ALG14: variants seen among roughly 807,000 people sequenced by gnomAD.
ALG14 encodes ALG14 UDP-N-acetylglucosaminyltransferase subunit, also known as UDP-N-acetylglucosamine transferase subunit ALG14.
ALG14 carries 17 observed loss-of-function variants against 22.8 expected under a neutral mutation model. That is an observed-to-expected ratio of 0.75 (90% CI 0.51 to 1.12). The LOEUF (loss-of-function observed/expected upper bound fraction) is 1.12. Ranked by LOEUF, ALG14 falls within the 50% of genes most tolerant of loss-of-function variation. ALG14 has a pLI of 0.00. For missense variants in ALG14, 288 were observed against 271.8 expected (o/e 1.06, Z -0.42); for synonymous variants, 89 against 103.7 (o/e 0.86, Z 0.86).
intron 3 of ALG14, among the ~76,000 whole-genome samples, chr1:95,008,886 A>G (rs940817621): frequency 6.6e-6 from 1 of 151,960 alleles, no homozygotes; most frequent in Non-Finnish European, 1.5e-5. Flanking sequence ...GAATTTGTCT[A>G]TTCTGGCTAC....
chr1:95,042,305 T>C (rs200999699), intron 2 of ALG14, among the ~76,000 whole-genome samples: 1 of 150,208 alleles, frequency 6.7e-6, no homozygotes, highest in Admixed American at 6.6e-5. Flanking sequence ...GATTTAAACA[T>C]ACACACACAC....
intron 2 of ALG14, among the ~76,000 whole-genome samples, chr1:95,031,937 T>C (rs552630590): frequency 1.3e-5 from 2 of 152,250 alleles, no homozygotes; most frequent in African/African-American, 4.8e-5. Context: ...GCCTCCCAAG[T>C]AGCTGGGACT....
At chr1:95,037,716 C>T (rs1674244271) in intron 2 of ALG14, among the ~76,000 whole-genome samples, 1 of 152,106 alleles carries the variant, frequency 6.6e-6, no homozygotes, top group Non-Finnish European at 1.5e-5. Context: ...GTTGAAGCAC[C>T]CTTCCTTTGT....
chr1:95,038,397 G>A (rs542529918), intron 2 of ALG14, among the ~76,000 whole-genome samples: 11 of 152,188 alleles, frequency 7.2e-5, no homozygotes, highest in Non-Finnish European at 2.9e-5. Context: ...GCTGAGGCAG[G>A]AGAATTGCTT....
At chr1:94,987,486 GA>G (rs1339797005) in intron 3 of ALG14, among the ~76,000 whole-genome samples, 2 of 152,174 alleles carry the variant, frequency 1.3e-5, no homozygotes, top group Non-Finnish European at 2.9e-5. Flanking sequence ...TATGGGTTTA[GA>G]AAACGGAAAG....
intron 3 of ALG14, among the ~76,000 whole-genome samples, chr1:95,007,111 C>A (rs1448820282): frequency 1.3e-5 from 2 of 152,174 alleles, no homozygotes; most frequent in East Asian, 3.8e-4. Context: ...TTAACAATCA[C>A]CGTACTGCCA....
At chr1:94,991,634 A>AT (rs1672776235) in intron 3 of ALG14, among the ~76,000 whole-genome samples, 1 of 152,206 alleles carries the variant, frequency 6.6e-6, no homozygotes, top group Non-Finnish European at 1.5e-5. Flanking sequence ...GGCCCAGGAC[A>AT]TTCCTGTACA....
intron 3 of ALG14, among the ~76,000 whole-genome samples, chr1:94,984,358 C>T (rs1672583078): frequency 6.6e-6 from 1 of 152,050 alleles, no homozygotes; most frequent in Non-Finnish European, 1.5e-5. Flanking sequence ...TTGTTTATAC[C>T]ACCCCAGCAT....
In ALG14 at chr1:94,981,428, CA is replaced by C. The variant is rs770433671; in HGVS notation, c.*1647del. On this transcript the variant is annotated 3_prime_UTR_variant, in exon 4 of 4. Transcript: ENST00000370205. ...TGACAGATGCGCCTGTTACATGATT[CA>C]GAGAAGACAGTTTTTTTGTTTTTTT... 2 of 145,844 alleles carry C rather than the reference CA, an allele frequency of 1.4e-5. No individual in the cohort carries two copies. The highest frequency in any genetic ancestry group is 1.5e-5 in the Non-Finnish European group (1 of 67,146). The allele number at this position is 145,844 out of a possible 1,614,324, so 9.0% of individuals were successfully genotyped here. A position where few individuals can be genotyped will look rare whatever the true frequency, so the allele number is the denominator to read the frequency against.
chr1:95,059,236 A>C lies in ALG14; in HGVS notation c.288+5630T>G, dbSNP rs2100829685. Among the ~76,000 whole-genome samples, 2 of 151,838 alleles carry C rather than the reference A, an allele frequency of 1.3e-5. 1 individual carries two copies. Among genetic ancestry groups the C allele is most frequent in the African/African-American group, 4.8e-5 (2 of 41,480 alleles). ...ACATGGGGAAACCCCGTCTCTACTA[A>C]AAATACAAAAATTAGTTGGGCGTGG... On this transcript the variant is annotated intron_variant, in intron 2 of 3. Transcript: ENST00000370205.
rs1317914343 is a variant in ALG14, at chr1:95,056,706, T to TACA, written c.288+8159_288+8160insTGT. Among the ~76,000 whole-genome samples, 518 of 152,176 alleles carry TACA rather than the reference T, an allele frequency of 3.4e-3. 23 individuals are homozygous for TACA. In the East Asian group the frequency reaches 0.095, roughly 28 times the overall value. On this transcript the variant is annotated intron_variant, in intron 2 of 3. Coordinates refer to ENST00000370205, the MANE Select transcript of ALG14 (RefSeq NM_144988.4). ...AACACTTGAGTATAACTCTATGACC[T>TACA]TTAAGTCCTAAGGGAAAATATAAAT...
At chr1:95,001,419 T>C (rs1004923483) in intron 3 of ALG14, among the ~76,000 whole-genome samples, 4 of 152,126 alleles carry the variant, frequency 2.6e-5, no homozygotes, top group Non-Finnish European at 4.4e-5. Context: ...AAACCTAGGG[T>C]GGCTGCATAT....
At chr1:95,066,134 C>G (rs1675352758) in intron 1 of ALG14, among the ~76,000 whole-genome samples, 1 of 152,122 alleles carries the variant, frequency 6.6e-6, no homozygotes, top group Non-Finnish European at 1.5e-5. Flanking sequence ...CCCCACCTCC[C>G]TTATTGTTGT....
intron 2 of ALG14, among the ~76,000 whole-genome samples, chr1:95,032,013 T>C (rs1674024892): frequency 6.6e-6 from 1 of 152,094 alleles, no homozygotes; most frequent in Non-Finnish European, 1.5e-5. Context: ...TTCACCATGT[T>C]GGTCAGGCTG....
At chr1:95,001,377 C>A (rs1171594308) in intron 3 of ALG14, among the ~76,000 whole-genome samples, 1 of 152,196 alleles carries the variant, frequency 6.6e-6, no homozygotes, top group Non-Finnish European at 1.5e-5. Flanking sequence ...CAGAGGCAGG[C>A]CTGCTGTCTA....
Position 95,064,877 on chromosome 1 carries a change from G to T in ALG14, c.277C>A (p.Pro93Thr). ...SFELDRADRD[P>T]SNMYTKYYIH... ...AAATTGTCACTTACCATGTTACTAG[G>T]GTCTCTATCAGCTCGATCTAGTTCA... Residue 93 changes from proline (P) to threonine (T), a missense_variant, in exon 2 of 4, where the codon CCT (proline) becomes ACT (threonine). By Grantham distance (38) the Pro-to-Thr change is conservative (BLOSUM62 -1). Transcript: ENST00000370205. 1 of 1,611,188 alleles carries T rather than the reference G, an allele frequency of 6.2e-7. No homozygotes were observed. Among genetic ancestry groups the T allele is most frequent in the Non-Finnish European group, 8.5e-7 (1 of 1,178,618 alleles).
chr1:95,028,383 T>C (rs915215119), intron 2 of ALG14, among the ~76,000 whole-genome samples: 1 of 152,180 alleles, frequency 6.6e-6, no homozygotes, highest in Admixed American at 6.5e-5. Flanking sequence ...TTTTTTTGTA[T>C]AGACAGGTTC....
At chr1:95,027,355 CTTTAA>C (rs1012068323) in intron 2 of ALG14, 95 bp from the exon 3 acceptor site, 42 of 1,436,114 alleles carry the variant, frequency 2.9e-5, no homozygotes, top group Admixed American at 1.8e-4. Context: ...GAAATGCTTT[CTTTAA>C]TTTAAATTTT....
At chr1:94,999,459 G>C (rs887456229) in intron 3 of ALG14, among the ~76,000 whole-genome samples, 1 of 149,002 alleles carries the variant, frequency 6.7e-6, no homozygotes, top group East Asian at 2.0e-4. Flanking sequence ...ATTCTTGAAA[G>C]CATGCAGCCC....
Sources: gnomAD v4.1 joint callset for allele counts (sites outside exome capture counted in the v4.1 genomes callset) on GRCh38, gnomAD v4.1.1 for gene constraint, MANE v1.5 for transcripts, NCBI Gene and HGNC (gene_info 2026-07-23, HGNC 2026-07-21) for gene names.